The following ADAMTS17 variants were observed in gnomAD, a reference collection of about 807,000 sequenced individuals.
The protein encoded by ADAMTS17 is A disintegrin and metalloproteinase with thrombospondin motifs 17.
In ADAMTS17, 113 loss-of-function variants were observed where a neutral mutation model predicts 141.5. The observed-to-expected ratio is 0.80, with a 90% CI of 0.69 to 0.93. The LOEUF is 0.93. ADAMTS17 is among the 40% of genes least tolerant of loss of function. The pLI is 0.00. For missense variants in ADAMTS17, 1,659 were observed against 1,517.9 expected, an observed-to-expected ratio of 1.09 and a Z score of -1.54; for synonymous variants, 768 against 630.6, an observed-to-expected ratio of 1.22 and a Z score of -3.27.
At chr15:100,078,922 C>A (rs538885855) in intron 15 of ADAMTS17, among the ~76,000 whole-genome samples, 7 of 151,984 alleles carry the variant, frequency 4.6e-5, no homozygotes, top group Non-Finnish European at 7.4e-5. Flanking sequence ...CAGGCACTTC[C>A]GCAAAAAAGA....
chr15:100,264,831 A>G (rs1042426793), intron 4 of ADAMTS17, among the ~76,000 whole-genome samples: 2 of 152,164 alleles, frequency 1.3e-5, no homozygotes, highest in African/African-American at 4.8e-5. Context: ...AAAAATGGGA[A>G]GGTGTTTAAT....
intron 18 of ADAMTS17, among the ~76,000 whole-genome samples, chr15:100,041,814 A>G (rs1029997249): frequency 6.6e-6 from 1 of 152,224 alleles, no homozygotes; most frequent in African/African-American, 2.4e-5. Context: ...TGGGAAGGCA[A>G]AGGAAACTGT....
At chr15:99,991,138 A>AAG (rs2060682340) in intron 20 of ADAMTS17, among the ~76,000 whole-genome samples, 1 of 152,230 alleles carries the variant, frequency 6.6e-6, no homozygotes, top group African/African-American at 2.4e-5. Flanking sequence ...AAAACACCAA[A>AAG]AGCAATGGCA....
intron 3 of ADAMTS17, among the ~76,000 whole-genome samples, chr15:100,311,395 G>T (rs893638948): frequency 1.3e-5 from 2 of 152,210 alleles, no homozygotes; most frequent in African/African-American, 4.8e-5. Context: ...CCAGCCTCAG[G>T]GCTGGACCAG....
intron 2 of ADAMTS17, among the ~76,000 whole-genome samples, chr15:100,336,999 G>A (rs561026131): frequency 6.7e-4 from 102 of 152,206 alleles, no homozygotes; most frequent in Admixed American, 3.5e-3. Flanking sequence ...TCAGCCTCCC[G>A]AGTAGCTGGG....
intron 4 of ADAMTS17, among the ~76,000 whole-genome samples, chr15:100,280,367 G>A (rs2044239802): frequency 6.6e-6 from 1 of 151,818 alleles, no homozygotes; most frequent in Admixed American, 6.6e-5. Context: ...TTTTACCCCA[G>A]GCCCTCCTCC....
intron 6 of ADAMTS17, among the ~76,000 whole-genome samples, chr15:100,260,660 C>A (rs2043486271): frequency 6.6e-6 from 1 of 151,612 alleles, no homozygotes; most frequent in African/African-American, 2.4e-5. Flanking sequence ...AAACAAAAAA[C>A]CTTTTTGTGG....
chr15:100,008,497 G>A (rs938533534), intron 18 of ADAMTS17, among the ~76,000 whole-genome samples: 5 of 152,206 alleles, frequency 3.3e-5, no homozygotes, highest in African/African-American at 1.2e-4. Context: ...GGCAGCCAAG[G>A]GGAAGGAGGC....
At position 100,096,445 on chromosome 15, in the gene ADAMTS17, G is replaced by C. The variant is rs753145714; in HGVS notation, c.2048C>G (p.Ala683Gly). Reference protein sequence around the residue: ...KIGCDGIIGSAAKEDRCGVCS... With the variant: ...KIGCDGIIGSGAKEDRCGVCS... ...GACCCCGCATCTGTCCTCTTTGGCT[G>C]CAGACCCGATGATGCCGTCACAGCC... The change falls in exon 15 of 22, where the codon GCA (alanine) becomes GGA (glycine). Residue 683 changes from alanine to glycine, a missense_variant. Transcript: ENST00000268070. 6.2e-7 allele frequency: 1 copy of C among 1,614,142 alleles called. No homozygotes were observed. Among genetic ancestry groups the C allele is most frequent in the Non-Finnish European group, 8.5e-7 (1 of 1,180,032 alleles).
chr15:100,067,231 T>C (rs911799381), intron 15 of ADAMTS17, among the ~76,000 whole-genome samples: 2 of 151,752 alleles, frequency 1.3e-5, no homozygotes, highest in African/African-American at 4.8e-5. Flanking sequence ...AAGGCAGCCA[T>C]CATTCTAAGT....
At chr15:100,146,606 C>T (rs965166583) in intron 10 of ADAMTS17, among the ~76,000 whole-genome samples, 1 of 152,204 alleles carries the variant, frequency 6.6e-6, no homozygotes, top group African/African-American at 2.4e-5. Context: ...AACAGGATAA[C>T]AGCAATTGTT....
intron 15 of ADAMTS17, among the ~76,000 whole-genome samples, chr15:100,054,573 C>T (rs184634835): frequency 6.6e-6 from 1 of 152,262 alleles, no homozygotes; most frequent in Admixed American, 6.5e-5. Flanking sequence ...GATCTGATAT[C>T]CCCCCATTAC....
chr15:100,236,074 C>T (rs1190675434), intron 7 of ADAMTS17, among the ~76,000 whole-genome samples: 2 of 152,140 alleles, frequency 1.3e-5, no homozygotes, highest in African/African-American at 4.8e-5. Flanking sequence ...CCACAGTCAC[C>T]AGTGACTCAA....
At chr15:100,106,681 G>C (rs1274051800) in intron 14 of ADAMTS17, among the ~76,000 whole-genome samples, 1 of 152,192 alleles carries the variant, frequency 6.6e-6, no homozygotes, top group African/African-American at 2.4e-5. Flanking sequence ...GGGATGGCTC[G>C]GCTGGTGCTG....
intron 3 of ADAMTS17, among the ~76,000 whole-genome samples, chr15:100,317,433 AC>A (rs887006525): frequency 6.6e-6 from 1 of 152,074 alleles, no homozygotes; most frequent in African/African-American, 2.4e-5. Context: ...GGAAATGAGG[AC>A]CCAGGTTCCC....
At chr15:100,013,038 G>C (rs2061219067) in intron 18 of ADAMTS17, among the ~76,000 whole-genome samples, 1 of 152,144 alleles carries the variant, frequency 6.6e-6, no homozygotes, top group Non-Finnish European at 1.5e-5. Context: ...GTTTCCATTT[G>C]TTTGTGTCAT....
At position 100,080,738 on chromosome 15, in the gene ADAMTS17, A is replaced by G. The variant is rs144586554; in HGVS notation, c.2137+15618T>C. ...ATGTATACACTTGTACTAAGAAAGT[A>G]TATTTCCTTTTCCTTTATCATGTGA... On this transcript the variant is annotated intron_variant, in intron 15 of 21. Coordinates refer to ENST00000268070, the MANE Select transcript of ADAMTS17 (RefSeq NM_139057.4). Among the ~76,000 whole-genome samples, 235 of 152,326 alleles carry G rather than the reference A, an allele frequency of 1.5e-3. 2 individuals are homozygous for G. The highest frequency in any genetic ancestry group is 6.8e-3 in the Middle Eastern group (2 of 294).
intron 3 of ADAMTS17, among the ~76,000 whole-genome samples, chr15:100,330,182 C>A (rs2046007418): frequency 6.6e-6 from 1 of 152,234 alleles, no homozygotes; most frequent in African/African-American, 2.4e-5. Context: ...CAGGTTCTCC[C>A]CCCACACTGC....
chr15:100,221,419 A>T (rs2042130836), intron 7 of ADAMTS17, among the ~76,000 whole-genome samples: 1 of 152,204 alleles, frequency 6.6e-6, no homozygotes, highest in Admixed American at 6.5e-5. Context: ...ATAAGGTGGT[A>T]ATCTGCACTA....
Sources: allele counts gnomAD v4.1 joint callset (sites outside exome capture counted in the v4.1 genomes callset), GRCh38; gene constraint gnomAD v4.1.1; transcripts MANE v1.5; gene names NCBI Gene and HGNC (gene_info 2026-07-23, HGNC 2026-07-21).